The following EPG5 variants were observed in gnomAD, a reference collection of about 807,000 sequenced individuals.
EPG5 encodes the protein ectopic P-granules 5 autophagy tethering factor.
In EPG5, 159 loss-of-function variants were observed where a neutral mutation model predicts 302.7. That is an observed-to-expected ratio of 0.53 (90% CI 0.46 to 0.60). The LOEUF (loss-of-function observed/expected upper bound fraction) is 0.60, where lower values mean the gene tolerates loss of function less well. Among genes scored for constraint, EPG5 ranks in the 20% least tolerant of loss-of-function variants. EPG5 has a pLI of 0.00. For missense variants in EPG5, 2,896 were observed against 3,092.4 expected (o/e 0.94, Z 1.51); for synonymous variants, 1,158 against 1,136.8 (o/e 1.02, Z -0.37).
chr18:45,921,963 T>TA lies in EPG5; in HGVS notation c.3098+377dup, dbSNP rs751461636. On this transcript the variant is annotated intron_variant, in intron 16 of 43. Transcript: ENST00000282041. ...GTACCCTAGAACTTAAAGTAAAATT[T>TA]AAAAAAAAAAAAAAAAAAGCCTGAG... Among the ~76,000 whole-genome samples the TA allele has an allele frequency of 2.1e-3, 239 of 113,020 alleles. 1 individual carries two copies. The highest frequency in any genetic ancestry group is 0.011 in the South Asian group (37 of 3,520). 74.1% of individuals were successfully genotyped at this position (113,020 alleles called of 152,430 possible). A position where few individuals can be genotyped will look rare whatever the true frequency, so the allele number is the denominator to read the frequency against.
chr18:45,858,421 C>G (rs1599425777), intron 41 of EPG5, 145 bp downstream of exon 41: 6 of 663,794 alleles, frequency 9.0e-6, no homozygotes, highest in Non-Finnish European at 1.6e-5. Flanking sequence ...AATTAAGAAT[C>G]TTTCCAAAAC....
At chr18:45,867,989 A>G in intron 36 of EPG5, 1 of 579,380 alleles carries the variant, frequency 1.7e-6, no homozygotes. Flanking sequence ...ATCATTCTTA[A>G]TAAGCGAGGA....
chr18:45,847,989 A>AT lies in EPG5; in HGVS notation c.*4477dup, dbSNP rs1393648706. ...ATCCCAAAAGAGGATCAGTAGTATAATTATTTTTTTTTCAAGTTATTTTCA... is the reference window on the plus strand; with the variant it reads ...ATCCCAAAAGAGGATCAGTAGTATAATTTATTTTTTTTTCAAGTTATTTTCA... On this transcript the variant is annotated 3_prime_UTR_variant, in exon 44 of 44. Transcript: ENST00000282041. 1.5e-5 allele frequency: 2 copies of AT among 135,306 alleles called. No individual in the cohort carries two copies. The highest frequency in any genetic ancestry group is 2.4e-4 in the South Asian group (1 of 4,218). 8.4% of individuals were successfully genotyped at this position (135,306 alleles called of 1,614,324 possible). A position where few individuals can be genotyped will look rare whatever the true frequency, so the allele number is the denominator to read the frequency against.
chr18:45,876,374 G>A, intron 34 of EPG5, 32 bp from the exon 35 acceptor site: 1 of 1,554,276 alleles, frequency 6.4e-7, no homozygotes. Flanking sequence ...ACTTAGGAAT[G>A]CAACCGTGAT....
At chr18:45,868,535 T>C (rs1459177929) in intron 36 of EPG5, among the ~76,000 whole-genome samples, 1 of 151,014 alleles carries the variant, frequency 6.6e-6, no homozygotes, top group African/African-American at 2.4e-5. Flanking sequence ...TTGCTTATTT[T>C]TTATTTTATT....
chr18:45,955,126 A>G lies in EPG5; in HGVS notation c.276T>C (p.Asn92=), dbSNP rs755000860. The G allele has an allele frequency of 1.2e-5, 20 of 1,613,822 alleles. No individual in the cohort carries two copies. The highest frequency in any genetic ancestry group is 5.3e-5 in the African/African-American group (4 of 74,872). ...CTGTGTTACACGTCAGGGACTCTTC[A>G]TTGCTTATAGTTAAGGAGGTGAGTG... ...DVPLTSLTIS[N]EESLTCNTEP... is the part of the protein sequence containing the mutation. Residue 92 remains asparagine, a synonymous_variant, in exon 2 of 44, where the codon AAT becomes AAC. Coordinates refer to ENST00000282041, the MANE Select transcript of EPG5 (RefSeq NM_020964.3).
intron 7 of EPG5, among the ~76,000 whole-genome samples, chr18:45,946,017 A>C (rs1393114653): frequency 6.6e-6 from 1 of 152,236 alleles, no homozygotes; most frequent in Non-Finnish European, 1.5e-5. Flanking sequence ...CACCAAATCA[A>C]GATTCAGACC....
chr18:45,863,261 T>C (rs1190345430), intron 39 of EPG5, among the ~76,000 whole-genome samples: 1 of 152,208 alleles, frequency 6.6e-6, no homozygotes, highest in Non-Finnish European at 1.5e-5. Context: ...CTTTGTCTTT[T>C]AACTTAAGCA....
intron 27 of EPG5, among the ~76,000 whole-genome samples, chr18:45,898,749 G>C (rs1230302901): frequency 6.6e-6 from 1 of 152,138 alleles, no homozygotes; most frequent in Non-Finnish European, 1.5e-5. Flanking sequence ...ACTTGGAACG[G>C]GCTGACCTAG....
chr18:45,915,545 G>A lies in EPG5; in HGVS notation c.3659C>T (p.Pro1220Leu). The A allele has an allele frequency of 6.2e-7, 1 of 1,614,200 alleles. No homozygotes were observed. The highest frequency in any genetic ancestry group is 8.5e-7 in the Non-Finnish European group (1 of 1,180,014). ...VSWIVAGNIT[P>L]SFVEGLATPT... ...CGTGGCCAAGCCCTCCACAAAGGAA[G>A]GAGTGATGTTGCCTGCCACAATCCA... The change falls in exon 20 of 44, where the codon CCT (proline) becomes CTT (leucine). Residue 1220 changes from proline (P) to leucine (L), a missense_variant. Coordinates refer to ENST00000282041, the MANE Select transcript of EPG5 (RefSeq NM_020964.3).
chr18:45,878,861 C>T lies in EPG5; in HGVS notation c.5869+152G>A, dbSNP rs1172419863. On this transcript the variant is annotated intron_variant, in intron 33 of 43. Coordinates refer to ENST00000282041, the MANE Select transcript of EPG5 (RefSeq NM_020964.3). Reference sequence around the variant, plus strand: ...GAATATATCCATTCATATATTGTGACATATATGACACATATATGGGCTCAT... The same window carrying T: ...GAATATATCCATTCATATATTGTGATATATATGACACATATATGGGCTCAT... 6 of 634,214 alleles carry T rather than the reference C, an allele frequency of 9.5e-6. No individual in the cohort carries two copies. The East Asian group carries it at 1.6e-4, about 17-fold the overall frequency. The allele number at this position is 634,214 out of a possible 1,614,324, so 39.3% of individuals were successfully genotyped here. A position where few individuals can be genotyped will look rare whatever the true frequency, so the allele number is the denominator to read the frequency against.
the EPG5 span, among the ~76,000 whole-genome samples, chr18:45,818,751 T>C: frequency 6.0e-5 from 9 of 149,890 alleles, no homozygotes; most frequent in African/African-American, 2.2e-4. Flanking sequence ...TTTTTTTTTT[T>C]GCGATGGAGT....
intron 28 of EPG5, among the ~76,000 whole-genome samples, chr18:45,889,103 A>G (rs2049282545): frequency 6.6e-6 from 1 of 152,128 alleles, no homozygotes; most frequent in Non-Finnish European, 1.5e-5. Context: ...CAACACACAA[A>G]AGGACTCGAT....
chr18:45,944,167 A>G, intron 7 of EPG5, 48 bp from the exon 8 acceptor site: 1 of 1,178,624 alleles, frequency 8.5e-7, no homozygotes, highest in Admixed American at 1.7e-5. Context: ...ATCAGATCAC[A>G]CTATGATCTA....
At chr18:45,882,152 G>T in intron 31 of EPG5, 122 bp downstream of exon 31, 1 of 857,674 alleles carries the variant, frequency 1.2e-6, no homozygotes. Context: ...ATGACAATTA[G>T]TGATTCTAAA....
the EPG5 span, chr18:45,839,128 G>C: frequency 1.5e-6 from 2 of 1,358,842 alleles, no homozygotes; most frequent in Non-Finnish European, 1.9e-6. Flanking sequence ...TGGCCGCGAG[G>C]GGCCGGGCCG....
the EPG5 span, among the ~76,000 whole-genome samples, chr18:45,817,604 G>T: frequency 6.6e-6 from 1 of 152,200 alleles, no homozygotes; most frequent in Non-Finnish European, 1.5e-5. Context: ...CTTCCAAGTT[G>T]TTTTATTCAT....
At chr18:45,871,593 T>C (rs1001624625) in intron 35 of EPG5, among the ~76,000 whole-genome samples, 2 of 152,230 alleles carry the variant, frequency 1.3e-5, no homozygotes, top group African/African-American at 4.8e-5. Flanking sequence ...GGAATACCAG[T>C]CTGCCTTAGA....
the EPG5 span, chr18:45,838,587 G>T: frequency 8.0e-7 from 1 of 1,242,514 alleles, no homozygotes; most frequent in Non-Finnish European, 1.1e-6. Flanking sequence ...CATCTGTATT[G>T]GGACGGGGGC....
Sources: allele counts gnomAD v4.1 joint callset (sites outside exome capture counted in the v4.1 genomes callset), GRCh38; gene constraint gnomAD v4.1.1; transcripts MANE v1.5; gene names NCBI Gene and HGNC (gene_info 2026-07-23, HGNC 2026-07-21).